SPATA1: variants seen among roughly 807,000 people sequenced by gnomAD.
SPATA1 encodes the protein spermatogenesis associated 1.
SPATA1 carries 57 observed loss-of-function variants against 59.6 expected under a neutral mutation model. The ratio of observed to expected loss-of-function variants is 0.96; its 90% CI spans 0.77 to 1.19. The LOEUF is 1.19. Ranked by LOEUF, SPATA1 falls within the 50% of genes most tolerant of loss-of-function variation. The pLI is 0.00. For synonymous variants in SPATA1, 147 were observed against 163.9 expected, an observed-to-expected ratio of 0.90 and a Z score of 0.79; for missense variants, 448 against 480.7, an observed-to-expected ratio of 0.93 and a Z score of 0.64.
At chr1:84,525,345 A>T (rs1263536762) in intron 4 of SPATA1, among the ~76,000 whole-genome samples, 1 of 152,238 alleles carries the variant, frequency 6.6e-6, no homozygotes, top group East Asian at 1.9e-4. Context: ...AATAAAGTTT[A>T]CTAAGTTGGA....
At chr1:84,555,232 G>T, downstream of SPATA1, 2 of 1,512,692 alleles carry the variant, frequency 1.3e-6, no homozygotes, top group Non-Finnish European at 1.8e-6. Context: ...AGATTTTAAA[G>T]TATTTAGTAC....
chr1:84,563,858 T>G (rs774613870), intron 4 of SPATA1: 1 of 1,592,624 alleles, frequency 6.3e-7, no homozygotes. Context: ...AGAAAAAGCA[T>G]ATTTGTTTCT....
chr1:84,538,617 T>C (rs1006193367), intron 8 of SPATA1, among the ~76,000 whole-genome samples: 1 of 152,130 alleles, frequency 6.6e-6, no homozygotes, highest in African/African-American at 2.4e-5. Flanking sequence ...ACAAAGCACT[T>C]TGTGGACCTT....
intron 10 of SPATA1, among the ~76,000 whole-genome samples, chr1:84,548,100 T>C (rs1684148300): frequency 6.6e-6 from 1 of 152,184 alleles, no homozygotes; most frequent in Admixed American, 6.5e-5. Context: ...TAATAGAGCA[T>C]GAGATAAATA....
At chr1:84,567,144 AATTT>A (rs1377403312), downstream of SPATA1, among the ~76,000 whole-genome samples, 2 of 152,302 alleles carry the variant, frequency 1.3e-5, no homozygotes, top group Admixed American at 1.3e-4. Context: ...TACTTTGAAC[AATTT>A]ATTCTAGCAA....
At chr1:84,566,634 ATCTT>A (rs1374508779), downstream of SPATA1, among the ~76,000 whole-genome samples, 1 of 152,136 alleles carries the variant, frequency 6.6e-6, no homozygotes, top group African/African-American at 2.4e-5. Context: ...GTTGAGTATT[ATCTT>A]TCTTTTTTGG....
chr1:84,556,710 C>CAAA (rs11417377), downstream of SPATA1, among the ~76,000 whole-genome samples: 1,395 of 93,406 alleles, frequency 0.015, 48 homozygotes, highest in African/African-American at 0.047. Context: ...GACTCCGTCT[C>CAAA]AAAAAAAAAA....
Position 84,516,403 on chromosome 1 carries a change from A to G in SPATA1, c.36+8A>G, listed in dbSNP as rs1256025446. ...CGACCTTCCTCATCAGAGGTAAGAA[A>G]ATCTTTTTATACTAAAATATAAGAA... On this transcript the variant is annotated splice_region_variant and intron_variant, in intron 2 of 12. Coordinates refer to ENST00000490879, the Ensembl canonical transcript of SPATA1. 6.9e-7 allele frequency: 1 copy of G among 1,451,076 alleles called. No individual in the cohort carries two copies. The highest frequency in any genetic ancestry group is 1.4e-5 in the South Asian group (1 of 71,920). The allele number at this position is 1,451,076 out of a possible 1,614,324, so 89.9% of individuals were successfully genotyped here. A position where few individuals can be genotyped will look rare whatever the true frequency, so the allele number is the denominator to read the frequency against.
chr1:84,532,216 C>A (rs1683499581), intron 6 of SPATA1, among the ~76,000 whole-genome samples: 1 of 152,218 alleles, frequency 6.6e-6, no homozygotes, highest in Non-Finnish European at 1.5e-5. Flanking sequence ...ACAATTAAGG[C>A]CGAACGCAGT....
intron 1 of SPATA1, among the ~76,000 whole-genome samples, chr1:84,508,304 T>C (rs1682372974): frequency 6.6e-6 from 1 of 151,920 alleles, no homozygotes; most frequent in Non-Finnish European, 1.5e-5. Context: ...AACAAAACCA[T>C]TGAGATAACT....
chr1:84,548,110 A>AT (rs1684148650), intron 10 of SPATA1, among the ~76,000 whole-genome samples: 1 of 152,230 alleles, frequency 6.6e-6, no homozygotes, highest in Admixed American at 6.5e-5. Context: ...TGAGATAAAT[A>AT]TCCAAAATCT....
At chr1:84,511,460 G>C (rs1368531390) in intron 1 of SPATA1, among the ~76,000 whole-genome samples, 2 of 152,034 alleles carry the variant, frequency 1.3e-5, no homozygotes, top group Non-Finnish European at 1.5e-5. Context: ...TCAACACTAG[G>C]ACGTGTCTAG....
rs185007234 is a variant in SPATA1 at position 84,545,019 on chromosome 1, G to A, written c.821-615G>A. Among the ~76,000 whole-genome samples the A allele has an allele frequency of 2.3e-3, 348 of 148,524 alleles. 4 individuals carry two copies. Among genetic ancestry groups the A allele is most frequent in the African/African-American group, 8.2e-3 (333 of 40,756 alleles). ...AGGTCAGGAGTTCGAGACCAGCCTGGCCAACATGGTGAAACCCCATCTCTA... is the reference window on the plus strand; with the variant it reads ...AGGTCAGGAGTTCGAGACCAGCCTGACCAACATGGTGAAACCCCATCTCTA... On this transcript the variant is annotated intron_variant, in intron 9 of 12. Coordinates refer to ENST00000490879, the Ensembl canonical transcript of SPATA1.
At chr1:84,526,217 T>TA in intron 6 of SPATA1, 144 bp downstream of exon 6, 1 of 635,260 alleles carries the variant, frequency 1.6e-6, no homozygotes, top group Non-Finnish European at 2.5e-6. Context: ...TGGGGATTTC[T>TA]AAAAAAATAT....
chr1:84,563,178 C>G (rs1437466316), intron 4 of SPATA1: 1 of 998,602 alleles, frequency 1.0e-6, no homozygotes, highest in Non-Finnish European at 1.4e-6. Context: ...GATAGAAATT[C>G]TTGATATCAA....
intron 11 of SPATA1, 86 bp from the exon 12 acceptor site, chr1:84,550,346 A>T (rs1684233294): frequency 1.7e-6 from 1 of 584,038 alleles, no homozygotes; most frequent in African/African-American, 2.0e-5. Context: ...TTTGATCTTT[A>T]TCATTTCATA....
chr1:84,539,925 G>A (rs1338747482), intron 8 of SPATA1, among the ~76,000 whole-genome samples: 1 of 152,126 alleles, frequency 6.6e-6, no homozygotes, highest in Non-Finnish European at 1.5e-5. Flanking sequence ...TTGGCACAAA[G>A]TTGTTCTTAT....
intron 10 of SPATA1, 150 bp from the exon 11 acceptor site, chr1:84,548,636 T>C (rs1684168105): frequency 1.0e-6 from 1 of 962,942 alleles, no homozygotes. Context: ...GACCTCAGTA[T>C]ATAAAAAAAG....
chr1:84,557,533 C>CAAAAAAAAAAAAAAA (rs56101174), downstream of SPATA1, among the ~76,000 whole-genome samples: 20 of 55,408 alleles, frequency 3.6e-4, no homozygotes, highest in Non-Finnish European at 4.9e-4. Context: ...AACTCCATCT[C>CAAAAAAAAAAAAAAA]AAAAAAAAAA....
Sources: gnomAD v4.1 joint callset for allele counts (sites outside exome capture counted in the v4.1 genomes callset) on GRCh38, gnomAD v4.1.1 for gene constraint, MANE v1.5 for transcripts, NCBI Gene and HGNC (gene_info 2026-07-23, HGNC 2026-07-21) for gene names.